The following ING4 variants were observed in gnomAD, a reference collection of about 807,000 sequenced individuals.
ING4 encodes the protein inhibitor of growth family member 4.
Under a neutral mutation model 33.1 loss-of-function variants are expected in ING4, and 28 were observed. The ratio of observed to expected loss-of-function variants is 0.85; its 90% CI spans 0.63 to 1.16. ING4 has a LOEUF of 1.16. ING4 is among the 50% of genes most tolerant of loss of function. ING4 has a pLI of 0.00. For synonymous variants in ING4, 87 were observed against 104.4 expected (o/e 0.83, Z 1.02); for missense variants, 247 against 314.7 (o/e 0.78, Z 1.63).
Position 6,652,143 on chromosome 12 carries a change from A to G in ING4, c.645+128T>C. On this transcript the variant is annotated intron_variant, in intron 6 of 7. Coordinates refer to ENST00000341550, the MANE Select transcript of ING4 (RefSeq NM_016162.4). ...CCAAAGTGCTGGGATTTCAGGCAAG[A>G]GCTACTACGTCCAGCCCATCTTTCT... 6 of 1,172,176 alleles carry G rather than the reference A, an allele frequency of 5.1e-6. No homozygotes were observed. In the South Asian group the frequency reaches 6.2e-5, roughly 12 times the overall value. 72.6% of individuals were successfully genotyped at this position (1,172,176 alleles called of 1,614,324 possible).
intron 2 of ING4, among the ~76,000 whole-genome samples, chr12:6,654,892 T>A (rs1949305754): frequency 6.6e-6 from 1 of 152,018 alleles, no homozygotes; most frequent in Non-Finnish European, 1.5e-5. Context: ...ATCTGGCTAA[T>A]TTTTGCATTT....
At chr12:6,660,613 CA>C (rs1949517492) in intron 1 of ING4, among the ~76,000 whole-genome samples, 1 of 151,382 alleles carries the variant, frequency 6.6e-6, no homozygotes, top group South Asian at 2.1e-4. Context: ...GTCTCAAAAA[CA>C]AACAAACAAA....
intron 1 of ING4, among the ~76,000 whole-genome samples, chr12:6,662,406 T>C (rs1158641252): frequency 6.6e-6 from 1 of 152,170 alleles, no homozygotes; most frequent in East Asian, 1.9e-4. Context: ...GTCTTACTCA[T>C]TTTTCTATCC....
At chr12:6,653,089 A>C (rs766727834) in intron 3 of ING4, 39 bp from the exon 4 acceptor site, 2 of 1,600,856 alleles carry the variant, frequency 1.2e-6, no homozygotes, top group Non-Finnish European at 1.7e-6. Context: ...GTACAAAACT[A>C]TCTCCAATTA....
chr12:6,655,476 A>G (rs1330193090), intron 2 of ING4, among the ~76,000 whole-genome samples: 1 of 152,256 alleles, frequency 6.6e-6, no homozygotes, highest in Non-Finnish European at 1.5e-5. Context: ...GTGCAGCAAC[A>G]GATAACCAGG....
intron 1 of ING4, among the ~76,000 whole-genome samples, chr12:6,661,467 G>C (rs141585612): frequency 1.3e-5 from 2 of 149,156 alleles, no homozygotes; most frequent in Non-Finnish European, 3.0e-5. Context: ...ACCCAGGCTG[G>C]AGTGCAGTGG....
rs951936937 is a variant in ING4 at position 6,652,560 on chromosome 12, G to A, written c.497+102C>T. ...TACCAAAATGATAAGAAGAGTTCTTGGCGCAGACATATAGAAAGCGGCAGG... is the reference window on the plus strand; with the variant it reads ...TACCAAAATGATAAGAAGAGTTCTTAGCGCAGACATATAGAAAGCGGCAGG... On this transcript the variant is annotated intron_variant, in intron 5 of 7. Coordinates refer to ENST00000341550, the MANE Select transcript of ING4 (RefSeq NM_016162.4). The A allele has an allele frequency of 2.9e-6, 4 of 1,370,100 alleles. No homozygotes were observed. In the African/African-American group the frequency reaches 5.8e-5, roughly 20 times the overall value. 84.9% of individuals were successfully genotyped at this position (1,370,100 alleles called of 1,614,324 possible). A position where few individuals can be genotyped will look rare whatever the true frequency, so the allele number is the denominator to read the frequency against.
rs750715990 is a variant in ING4 at position 6,652,919 on chromosome 12, C to T, written c.391+17G>A. 2 of 1,602,546 alleles carry T rather than the reference C, an allele frequency of 1.2e-6. No individual in the cohort carries two copies. Among genetic ancestry groups the T allele is most frequent in the Non-Finnish European group, 1.7e-6 (2 of 1,169,752 alleles). ...TCAGTCCTCGCCCCACCTCTCACAGCCCCGCCCCCTCCTCACTCTTTTTGC... is the reference window on the plus strand; with the variant it reads ...TCAGTCCTCGCCCCACCTCTCACAGTCCCGCCCCCTCCTCACTCTTTTTGC... On this transcript the variant is annotated intron_variant, in intron 4 of 7. Coordinates refer to ENST00000341550, the MANE Select transcript of ING4 (RefSeq NM_016162.4).
Position 6,651,065 on chromosome 12 carries a change from A to T in ING4, c.*130T>A, listed in dbSNP as rs959580518. 1.4e-5 allele frequency: 14 copies of T among 1,005,772 alleles called. No homozygotes were observed. Among genetic ancestry groups the T allele is most frequent in the Non-Finnish European group, 2.1e-5 (14 of 655,630 alleles). 62.3% of individuals were successfully genotyped at this position (1,005,772 alleles called of 1,614,324 possible). On this transcript the variant is annotated 3_prime_UTR_variant, in exon 8 of 8. Transcript: ENST00000341550. Reference sequence around the variant, plus strand: ...TCAGCACCGGGAGTGGGGAGAGGGGAGGAGAAGGGATGACAGCACTGTGCC... The same window carrying T: ...TCAGCACCGGGAGTGGGGAGAGGGGTGGAGAAGGGATGACAGCACTGTGCC...
intron 2 of ING4, 89 bp downstream of exon 2, chr12:6,656,638 A>T: frequency 2.6e-6 from 2 of 768,144 alleles, no homozygotes; most frequent in Admixed American, 5.4e-5. Context: ...AGTTCTCCAG[A>T]TCATACCAGA....
At chr12:6,659,962 T>A (rs907840686) in intron 1 of ING4, among the ~76,000 whole-genome samples, 14 of 151,898 alleles carry the variant, frequency 9.2e-5, no homozygotes, top group African/African-American at 3.4e-4. Context: ...AACAAAAAAA[T>A]TAAAAAAAAT....
At chr12:6,658,631 A>T (rs1285139657) in intron 1 of ING4, among the ~76,000 whole-genome samples, 1 of 152,202 alleles carries the variant, frequency 6.6e-6, no homozygotes, top group African/African-American at 2.4e-5. Flanking sequence ...CATTTCAGTG[A>T]GCCGAGATCA....
chr12:6,655,258 G>A (rs2136271731), intron 2 of ING4, among the ~76,000 whole-genome samples: 1 of 152,134 alleles, frequency 6.6e-6, no homozygotes. Context: ...GGGCCAGGCT[G>A]ATCTCAAACT....
At chr12:6,661,155 T>G (rs550325482) in intron 1 of ING4, among the ~76,000 whole-genome samples, 7 of 151,990 alleles carry the variant, frequency 4.6e-5, no homozygotes, top group Non-Finnish European at 8.8e-5. Flanking sequence ...TGGAGTGCAG[T>G]GGCATGATCT....
At chr12:6,655,709 C>A in intron 2 of ING4, 2 of 634,626 alleles carry the variant, frequency 3.2e-6, no homozygotes, top group Non-Finnish European at 2.3e-6. Context: ...TGTGTAAACT[C>A]AGAGTAACTT....
intron 2 of ING4, chr12:6,656,450 C>T: frequency 3.3e-6 from 1 of 306,130 alleles, no homozygotes; most frequent in East Asian, 1.1e-4. Context: ...GCTGGGATTA[C>T]AGGTGTGAGC....
At chr12:6,656,525 T>A (rs1196494515) in intron 2 of ING4, 5 of 492,210 alleles carry the variant, frequency 1.0e-5, no homozygotes, top group Non-Finnish European at 1.8e-5. Flanking sequence ...CTTGAGGCGT[T>A]TTCACAATAC....
At chr12:6,657,613 C>T (rs921175352) in intron 1 of ING4, among the ~76,000 whole-genome samples, 14 of 152,060 alleles carry the variant, frequency 9.2e-5, no homozygotes, top group Non-Finnish European at 1.8e-4. Context: ...CCACCCTTTT[C>T]GCCTTCAGTG....
chr12:6,662,943 G>T, intron 1 of ING4, 122 bp downstream of exon 1: 2 of 1,082,194 alleles, frequency 1.8e-6, no homozygotes, highest in Non-Finnish European at 2.7e-6. Context: ...AATATTTCCT[G>T]CCACAGAACC....
Sources: allele counts gnomAD v4.1 joint callset (sites outside exome capture counted in the v4.1 genomes callset), GRCh38; gene constraint gnomAD v4.1.1; transcripts MANE v1.5; gene names NCBI Gene and HGNC (gene_info 2026-07-23, HGNC 2026-07-21).